Variants in CBLIF observed in about 807,000 individuals in gnomAD.
CBLIF encodes the protein gastric intrinsic factor (vitamin B synthesis).
A neutral mutation model predicts 44.9 loss-of-function variants in CBLIF; 24 were observed. That is an observed-to-expected ratio of 0.53 (90% CI 0.39 to 0.75). The LOEUF (loss-of-function observed/expected upper bound fraction) is 0.75, where lower values mean the gene tolerates loss of function less well. Among genes scored for constraint, CBLIF ranks in the 30% least tolerant of loss-of-function variants. The pLI, the probability that CBLIF is intolerant of heterozygous loss-of-function variation, is 0.00. For missense variants in CBLIF, 481 were observed against 513.0 expected (o/e 0.94, Z 0.60); for synonymous variants, 183 against 190.9 (o/e 0.96, Z 0.34).
At chr11:59,835,553 CT>C (rs1866443130) in intron 7 of CBLIF, among the ~76,000 whole-genome samples, 1 of 152,220 alleles carries the variant, frequency 6.6e-6, no homozygotes, top group Non-Finnish European at 1.5e-5. Flanking sequence ...TACAAAGTCT[CT>C]TTTGCCTGTT....
intron 5 of CBLIF, among the ~76,000 whole-genome samples, chr11:59,838,880 G>A (rs1184185391): frequency 6.1e-5 from 8 of 131,126 alleles, no homozygotes; most frequent in African/African-American, 2.3e-4. Context: ...ATGGAGTCTC[G>A]CTGTGATGCC....
Position 59,844,035 on chromosome 11 carries a change from G to A in CBLIF, c.100C>T (p.Pro34Ser). Residue 34 changes from proline to serine, a missense_variant, in exon 2 of 9, where the codon CCC (proline) becomes TCC (serine). Transcript: ENST00000257248. ...AGTACTTGTATTCCATTGACCAAGG[G>A]CTCCTGTGCTGAGGGAACGGCTGAG... is the stretch of plus-strand genomic sequence containing the variant. ...SSCSVPSAQE[P>S]LVNGIQVLME... 6.2e-7 allele frequency: 1 copy of A among 1,613,804 alleles called. No homozygotes were observed. Among genetic ancestry groups the A allele is most frequent in the Non-Finnish European group, 8.5e-7 (1 of 1,179,726 alleles).
intron 5 of CBLIF, chr11:59,840,838 A>G (rs1866516272): frequency 7.2e-6 from 2 of 278,746 alleles, no homozygotes; most frequent in Non-Finnish European, 1.4e-5. Flanking sequence ...ACTATTACAA[A>G]TAAACTGATC....
At chr11:59,842,328 C>T (rs1866542945) in intron 4 of CBLIF, 115 bp downstream of exon 4, 1 of 1,175,104 alleles carries the variant, frequency 8.5e-7, no homozygotes, top group Non-Finnish European at 1.3e-6. Context: ...GGCACGTTCA[C>T]ATCCTTAGCT....
intron 4 of CBLIF, 46 bp downstream of exon 4, chr11:59,842,397 C>G (rs529702401): frequency 6.2e-7 from 1 of 1,605,486 alleles, no homozygotes; most frequent in African/African-American, 1.3e-5. Flanking sequence ...ATTCAGTTCA[C>G]GATGCCTCTG....
In CBLIF at chr11:59,845,459, T is replaced by A; in HGVS notation, c.-6A>T. The stretch of plus-strand genomic sequence containing the variant: ...TAGAGGGCAAACCAGGCCATCTCAC[T>A]CTCTCGTCTATGTCTCTCATCCACA... On this transcript the variant is annotated 5_prime_UTR_variant, in exon 1 of 9. Coordinates refer to ENST00000257248, the MANE Select transcript of CBLIF (RefSeq NM_005142.3). 6.3e-7 allele frequency: 1 copy of A among 1,594,782 alleles called. No homozygotes were observed. The highest frequency in any genetic ancestry group is 8.6e-7 in the Non-Finnish European group (1 of 1,162,772).
At chr11:59,842,604 C>G in intron 3 of CBLIF, 21 bp from the exon 4 acceptor site, 1 of 1,611,656 alleles carries the variant, frequency 6.2e-7, no homozygotes, top group Non-Finnish European at 8.5e-7. Context: ...GATAGAGAAC[C>G]TTCATCAGAC....
chr11:59,845,260 C>A, intron 1 of CBLIF, 115 bp downstream of exon 1: 1 of 1,491,916 alleles, frequency 6.7e-7, no homozygotes. Context: ...CTCAGACTTA[C>A]CCATTTTGGA....
intron 5 of CBLIF, among the ~76,000 whole-genome samples, chr11:59,840,381 G>T (rs1423734175): frequency 5.3e-5 from 8 of 152,062 alleles, no homozygotes; most frequent in African/African-American, 1.9e-4. Flanking sequence ...TTCTTAGTTG[G>T]GATTAGAGGA....
Position 59,841,240 on chromosome 11 carries a change from A to G in CBLIF, c.596T>C (p.Phe199Ser). Residue 199 changes from phenylalanine to serine, a missense_variant, in exon 5 of 9, where the codon TTT becomes TCT. Physicochemically the swap from Phe to Ser is radical, Grantham distance 155. Coordinates refer to ENST00000257248, the MANE Select transcript of CBLIF (RefSeq NM_005142.3). ...VGSEEGYRSL[F>S]GQVLKDIVEK... ...CACAATATCCTTTAGTACCTGACCA[A>G]ACAGGGATCTGTAACCTTCCTCTGA... 1 of 1,613,114 alleles carries G rather than the reference A, an allele frequency of 6.2e-7. No individual in the cohort carries two copies. The highest frequency in any genetic ancestry group is 8.5e-7 in the Non-Finnish European group (1 of 1,179,020).
intron 7 of CBLIF, among the ~76,000 whole-genome samples, chr11:59,832,827 A>G (rs1866389995): frequency 6.6e-6 from 1 of 152,214 alleles, no homozygotes; most frequent in African/African-American, 2.4e-5. Flanking sequence ...AAATGGGTAA[A>G]TGATTATATG....
intron 7 of CBLIF, 93 bp from the exon 8 acceptor site, chr11:59,831,889 GTTAA>G: frequency 2.7e-6 from 2 of 736,878 alleles, no homozygotes; most frequent in East Asian, 2.7e-5. Context: ...TAATTAATTA[GTTAA>G]TTAATTTTTT....
Position 59,835,873 on chromosome 11 carries a change from A to G in CBLIF, c.1008T>C (p.Ser336=), listed in dbSNP as rs1415600947. Residue 336 remains serine, a synonymous_variant, in exon 7 of 9, where the codon AGT becomes AGC. Transcript: ENST00000257248. ...ELLFNETINV[S]VKSGSVLLVV... is the part of the protein sequence containing the mutation. ...CAAGTAACACTGACCCACTTTTCACACTAACATTGATGGTCTCGTTGAAGA... is the reference window on the plus strand; with the variant it reads ...CAAGTAACACTGACCCACTTTTCACGCTAACATTGATGGTCTCGTTGAAGA... The G allele has an allele frequency of 2.5e-6, 4 of 1,614,116 alleles. No homozygotes were observed. Among genetic ancestry groups the G allele is most frequent in the East Asian group, 2.2e-5 (1 of 44,880 alleles).
intron 2 of CBLIF, among the ~76,000 whole-genome samples, chr11:59,843,355 T>G (rs1005242703): frequency 1.5e-4 from 23 of 152,190 alleles, no homozygotes; most frequent in African/African-American, 5.6e-4. Flanking sequence ...ATGACTCTAG[T>G]ATTTGGTATT....
chr11:59,843,211 G>A, intron 2 of CBLIF, 70 bp from the exon 3 acceptor site: 1 of 885,456 alleles, frequency 1.1e-6, no homozygotes, highest in Non-Finnish European at 1.9e-6. Flanking sequence ...AGCCAGTGAT[G>A]AGTTCTCTGC....
At chr11:59,842,626 A>G in intron 3 of CBLIF, 43 bp from the exon 4 acceptor site, 1 of 1,595,850 alleles carries the variant, frequency 6.3e-7, no homozygotes, top group Non-Finnish European at 8.6e-7. Context: ...CACAGTCACC[A>G]CGATGAGGAC....
intron 5 of CBLIF, among the ~76,000 whole-genome samples, chr11:59,840,286 T>C (rs1866506937): frequency 6.6e-6 from 1 of 152,190 alleles, no homozygotes; most frequent in South Asian, 2.1e-4. Flanking sequence ...CATTCCATGA[T>C]TCTCCCTTTA....
rs1165157393 is a variant in CBLIF at position 59,845,462 on chromosome 11, C to T, written c.-9G>A. The stretch of plus-strand genomic sequence containing the variant: ...AGGGCAAACCAGGCCATCTCACTCT[C>T]TCGTCTATGTCTCTCATCCACAGGT... On this transcript the variant is annotated 5_prime_UTR_variant, in exon 1 of 9. Coordinates refer to ENST00000257248, the MANE Select transcript of CBLIF (RefSeq NM_005142.3). 1.3e-6 allele frequency: 2 copies of T among 1,585,800 alleles called. No individual in the cohort carries two copies. The highest frequency in any genetic ancestry group is 1.7e-6 in the Non-Finnish European group (2 of 1,154,726).
At chr11:59,841,621 C>T (rs1866530281) in intron 4 of CBLIF, among the ~76,000 whole-genome samples, 1 of 152,028 alleles carries the variant, frequency 6.6e-6, no homozygotes, top group African/African-American at 2.4e-5. Context: ...CAGAGATGCC[C>T]CAGAAATGTG....
Sources: gnomAD v4.1 joint callset for allele counts (sites outside exome capture counted in the v4.1 genomes callset) on GRCh38, gnomAD v4.1.1 for gene constraint, MANE v1.5 for transcripts, NCBI Gene and HGNC (gene_info 2026-07-23, HGNC 2026-07-21) for gene names.